Variants in AOPEP observed in about 807,000 individuals in gnomAD.
The protein encoded by AOPEP is aminopeptidase O.
Under a neutral mutation model 98.1 loss-of-function variants are expected in AOPEP, and 77 were observed. The observed-to-expected ratio is 0.78, with a 90% CI of 0.65 to 0.95. The LOEUF is 0.95. Ranked by LOEUF, AOPEP falls within the 40% of genes least tolerant of loss-of-function variation. The pLI, the probability that AOPEP is intolerant of heterozygous loss-of-function variation, is 0.00. For synonymous variants in AOPEP, 346 were observed against 365.3 expected (o/e 0.95, Z 0.60); for missense variants, 1,024 against 1,024.7 (o/e 1.00, Z 0.01).
intron 3 of AOPEP, 118 bp from the exon 4 acceptor site, chr9:94,792,647 A>G: frequency 1.0e-6 from 1 of 972,786 alleles, no homozygotes; most frequent in Non-Finnish European, 1.5e-6. Context: ...CCGACCTCCA[A>G]GAGTTGGCTC....
At chr9:94,872,168 G>A (rs1339702359) in intron 5 of AOPEP, among the ~76,000 whole-genome samples, 1 of 152,154 alleles carries the variant, frequency 6.6e-6, no homozygotes, top group Non-Finnish European at 1.5e-5. Context: ...CTGGGTATAT[G>A]AATAAGTGAT....
At chr9:95,131,309 C>T in the AOPEP span, among the ~76,000 whole-genome samples, 3 of 152,218 alleles carry the variant, frequency 2.0e-5, no homozygotes, top group African/African-American at 4.8e-5. Context: ...CCAATTAGCC[C>T]GGGTAGCCCA....
chr9:95,087,482 CAAAAAAA>C (rs746666179), downstream of AOPEP, among the ~76,000 whole-genome samples: 98 of 37,432 alleles, frequency 2.6e-3, 1 homozygote, highest in Admixed American at 4.3e-3. Context: ...GACTCCATCT[CAAAAAAA>C]AAAAAAAAAA....
chr9:94,955,773 G>A (rs2058406047), intron 8 of AOPEP, 135 bp from the exon 9 acceptor site: 2 of 587,234 alleles, frequency 3.4e-6, no homozygotes, highest in Non-Finnish European at 6.1e-6. Context: ...AAATGGAAAG[G>A]GCAGCCAGGG....
intron 1 of AOPEP, among the ~76,000 whole-genome samples, chr9:94,744,145 G>GC (rs113053237): frequency 0.22 from 33,047 of 151,460 alleles, 5,065 homozygotes; most frequent in African/African-American, 0.43. Context: ...CTGTAATCCA[G>GC]ACTTTGGGAG....
At chr9:94,729,915 G>C (rs1242703310) in intron 1 of AOPEP, among the ~76,000 whole-genome samples, 1 of 152,178 alleles carries the variant, frequency 6.6e-6, no homozygotes, top group African/African-American at 2.4e-5. Context: ...GCAAGAGAAA[G>C]AGTAGGAAGA....
At chr9:94,946,545 C>G (rs1189200862) in intron 7 of AOPEP, among the ~76,000 whole-genome samples, 1 of 152,128 alleles carries the variant, frequency 6.6e-6, no homozygotes, top group Non-Finnish European at 1.5e-5. Flanking sequence ...AGAGCCTGAT[C>G]CTTAGAATGG....
In AOPEP at chr9:95,085,961, C is replaced by T. The variant is rs893722973; in HGVS notation, c.*5-721C>T. 35 of 1,347,396 alleles carry T rather than the reference C, an allele frequency of 2.6e-5. 1 individual carries two copies. The highest frequency in any genetic ancestry group is 5.4e-4 in the Middle Eastern group (2 of 3,714). 83.5% of individuals were successfully genotyped at this position (1,347,396 alleles called of 1,614,324 possible). ...CCTTCGCGTCTCCTGCGCCAGCAGA[C>T]GGTGCCCACGGAGCTCCCAGCTGAG... On this transcript the variant is annotated intron_variant, in intron 16 of 16. Transcript: ENST00000375315.
chr9:95,118,964 CTTGT>C, the AOPEP span, among the ~76,000 whole-genome samples: 7 of 152,202 alleles, frequency 4.6e-5, no homozygotes, highest in Non-Finnish European at 5.9e-5. Flanking sequence ...CAGATAGATG[CTTGT>C]TTAACATCGT....
intron 14 of AOPEP, among the ~76,000 whole-genome samples, chr9:95,074,202 A>T (rs1189602400): frequency 6.6e-6 from 1 of 152,136 alleles, no homozygotes; most frequent in Non-Finnish European, 1.5e-5. Context: ...GGCCTGTACC[A>T]CAGACATACC....
chr9:94,941,187 G>A (rs956672998), intron 7 of AOPEP, among the ~76,000 whole-genome samples: 7 of 152,268 alleles, frequency 4.6e-5, no homozygotes, highest in South Asian at 2.1e-4. Flanking sequence ...GTCCCCTCTG[G>A]CTCTTCTCTG....
intron 5 of AOPEP, among the ~76,000 whole-genome samples, chr9:94,878,594 G>A (rs1244754542): frequency 6.6e-6 from 1 of 152,110 alleles, no homozygotes; most frequent in African/African-American, 2.4e-5. Flanking sequence ...TCAGAGTTTA[G>A]GAGAGTGGAA....
At chr9:95,045,502 CTTG>C (rs2065777576) in intron 13 of AOPEP, among the ~76,000 whole-genome samples, 1 of 152,236 alleles carries the variant, frequency 6.6e-6, no homozygotes, top group Non-Finnish European at 1.5e-5. Flanking sequence ...CTAAAGCCTT[CTTG>C]TTCCGGTCTT....
intron 13 of AOPEP, among the ~76,000 whole-genome samples, chr9:95,034,722 C>T (rs2064629098): frequency 6.6e-6 from 1 of 152,140 alleles, no homozygotes; most frequent in Non-Finnish European, 1.5e-5. Context: ...CAAGTTTGCT[C>T]TTAATTCTGA....
chr9:94,910,174 C>G (rs149292546), intron 5 of AOPEP, among the ~76,000 whole-genome samples: 152 of 152,332 alleles, frequency 1.0e-3, no homozygotes, highest in South Asian at 1.9e-3. Context: ...TTCCTCCTCA[C>G]CTCTAGTCCT....
chr9:94,931,304 T>C (rs140885593), intron 7 of AOPEP, among the ~76,000 whole-genome samples: 16 of 152,328 alleles, frequency 1.1e-4, no homozygotes, highest in Middle Eastern at 3.4e-3. Context: ...CATTTGCTTT[T>C]CTTTGTCTTC....
At chr9:95,036,847 A>G (rs899268) in intron 13 of AOPEP, among the ~76,000 whole-genome samples, 11,390 of 152,168 alleles carry the variant, frequency 0.075, 567 homozygotes, top group Non-Finnish European at 0.12. Context: ...AGATCTTTTC[A>G]TCTTGTCAGT....
the AOPEP span, among the ~76,000 whole-genome samples, chr9:95,132,231 G>A: frequency 2.0e-5 from 3 of 152,220 alleles, no homozygotes; most frequent in African/African-American, 7.2e-5. Context: ...TGCCAGCCAA[G>A]CACAGTGCCA....
chr9:94,864,698 T>C lies in AOPEP; in HGVS notation c.1365-59288T>C, dbSNP rs1482378774. ...GTATGTGTTTAATAAAGCAATGTAATTTATAAAATACTTAGAAAAATATTA... is the reference window on the plus strand; with the variant it reads ...GTATGTGTTTAATAAAGCAATGTAACTTATAAAATACTTAGAAAAATATTA... On this transcript the variant is annotated intron_variant, in intron 5 of 16. Coordinates refer to ENST00000375315, the MANE Select transcript of AOPEP (RefSeq NM_001193329.3). Among the ~76,000 whole-genome samples, 4 of 152,294 alleles carry C rather than the reference T, an allele frequency of 2.6e-5. No homozygotes were observed. In the South Asian group the frequency reaches 8.3e-4, roughly 32 times the overall value.
Sources: gnomAD v4.1 joint callset for allele counts (sites outside exome capture counted in the v4.1 genomes callset) on GRCh38, gnomAD v4.1.1 for gene constraint, MANE v1.5 for transcripts, NCBI Gene and HGNC (gene_info 2026-07-23, HGNC 2026-07-21) for gene names.